The following HAPSTR1 variants were observed in gnomAD, a reference collection of about 807,000 sequenced individuals.
HAPSTR1 encodes the protein HUWE1-associated protein modifying stress responses 1.
chr16:9,092,034 G>C, the HAPSTR1 span: 1 of 1,499,438 alleles, frequency 6.7e-7, no homozygotes, highest in East Asian at 2.8e-5. Context: ...GGCCGCGGGA[G>C]GCCGCGGAGG....
the HAPSTR1 span, chr16:9,102,945 G>A: frequency 6.3e-7 from 1 of 1,597,728 alleles, no homozygotes; most frequent in African/African-American, 1.3e-5. Context: ...GGGCTCTAAT[G>A]GTCATGATAC....
chr16:9,112,279 A>G, the HAPSTR1 span: 2 of 152,240 alleles, frequency 1.3e-5, no homozygotes, highest in African/African-American at 4.8e-5. Flanking sequence ...GTGCATCTGA[A>G]TAGTGCAATT....
At chr16:9,119,765 G>A in the HAPSTR1 span, 6 of 152,220 alleles carry the variant, frequency 3.9e-5, no homozygotes, top group African/African-American at 1.4e-4. Context: ...ATCAAATGAA[G>A]TTTAGGCTTT....
At chr16:9,120,441 G>A in the HAPSTR1 span, 1 of 152,076 alleles carries the variant, frequency 6.6e-6, no homozygotes, top group Non-Finnish European at 1.5e-5. Context: ...TGTGCTGTTG[G>A]GTTTGATGGG....
chr16:9,117,818 A>AT, the HAPSTR1 span: 13 of 152,740 alleles, frequency 8.5e-5, no homozygotes, highest in African/African-American at 2.9e-4. Context: ...TTTCTAGTCT[A>AT]TCATTTTACA....
At chr16:9,105,250 G>A in the HAPSTR1 span, 2 of 152,108 alleles carry the variant, frequency 1.3e-5, no homozygotes, top group African/African-American at 4.8e-5. Context: ...TAAATATAAG[G>A]CTTTGTCTAG....
At chr16:9,106,176 A>C in the HAPSTR1 span, 1 of 152,230 alleles carries the variant, frequency 6.6e-6, no homozygotes. Context: ...TGGGAGGCCA[A>C]GGTGGGTGGA....
chr16:9,102,922 T>G, the HAPSTR1 span: 2 of 1,536,072 alleles, frequency 1.3e-6, no homozygotes, highest in Non-Finnish European at 1.8e-6. Flanking sequence ...TGGTTTTCTT[T>G]AGAAGGGAAT....
the HAPSTR1 span, among the ~76,000 whole-genome samples, chr16:9,097,568 G>C: frequency 2.0e-5 from 3 of 152,162 alleles, no homozygotes; most frequent in Non-Finnish European, 4.4e-5. Context: ...AGAATATGTT[G>C]GTTGCAAGTA....
chr16:9,097,618 A>G, the HAPSTR1 span, among the ~76,000 whole-genome samples: 4 of 152,312 alleles, frequency 2.6e-5, no homozygotes, highest in African/African-American at 9.6e-5. Context: ...CTGTATGGCC[A>G]TGTATTGGCT....
At chr16:9,092,227 C>T in the HAPSTR1 span, 18 of 1,585,624 alleles carry the variant, frequency 1.1e-5, no homozygotes, top group Admixed American at 1.8e-5. Flanking sequence ...AGCTGTGGCA[C>T]CTCTTCCAGA....
the HAPSTR1 span, among the ~76,000 whole-genome samples, chr16:9,099,435 C>T: frequency 6.6e-6 from 1 of 152,264 alleles, no homozygotes; most frequent in East Asian, 1.9e-4. Flanking sequence ...TCAAGTGATC[C>T]ACCCACCTTG....
At chr16:9,095,475 G>A in the HAPSTR1 span, among the ~76,000 whole-genome samples, 4 of 152,114 alleles carry the variant, frequency 2.6e-5, no homozygotes, top group South Asian at 6.2e-4. Flanking sequence ...ATACTTCTAA[G>A]TGGGCAGCAG....
the HAPSTR1 span, among the ~76,000 whole-genome samples, chr16:9,115,153 A>G: frequency 5.9e-5 from 9 of 152,274 alleles, no homozygotes; most frequent in Admixed American, 2.6e-4. Context: ...GAGGCCATGG[A>G]TTTGAGAACA....
chr16:9,095,384 A>C, the HAPSTR1 span, among the ~76,000 whole-genome samples: 1 of 152,220 alleles, frequency 6.6e-6, no homozygotes, highest in Non-Finnish European at 1.5e-5. Context: ...TGCAGCAGTA[A>C]GTAGTACTAA....
chr16:9,118,694 C>T, the HAPSTR1 span: 1 of 152,338 alleles, frequency 6.6e-6, no homozygotes, highest in Non-Finnish European at 1.5e-5. Flanking sequence ...TCAAGCTTCC[C>T]TTTGGAATAT....
chr16:9,092,852 CTTTCTT>C, the HAPSTR1 span: 1 of 1,400,560 alleles, frequency 7.1e-7, no homozygotes, highest in Non-Finnish European at 9.7e-7. Context: ...TTCTTGTTCT[CTTTCTT>C]TCTCTTTCTA....
At chr16:9,095,404 A>G in the HAPSTR1 span, among the ~76,000 whole-genome samples, 49 of 152,272 alleles carry the variant, frequency 3.2e-4, no homozygotes, top group African/African-American at 1.2e-3. Flanking sequence ...AATTTAAATG[A>G]TATTGGTTAT....
At chr16:9,093,097 C>T in the HAPSTR1 span, 48 of 1,210,736 alleles carry the variant, frequency 4.0e-5, no homozygotes, top group Non-Finnish European at 5.3e-5. Flanking sequence ...CTCCCCAGCC[C>T]AGCTGCTAAC....
Sources: allele counts gnomAD v4.1 joint callset (sites outside exome capture counted in the v4.1 genomes callset), GRCh38; gene constraint gnomAD v4.1.1; transcripts MANE v1.5; gene names NCBI Gene and HGNC (gene_info 2026-07-23, HGNC 2026-07-21).